The following PTPRG variants were observed in gnomAD, a reference collection of about 807,000 sequenced individuals.
PTPRG encodes the protein protein tyrosine phosphatase receptor type G.
A neutral mutation model predicts 165.3 loss-of-function variants in PTPRG; 102 were observed. That is an observed-to-expected ratio of 0.62 (90% CI 0.53 to 0.73). The LOEUF is 0.73. Among genes scored for constraint, PTPRG ranks in the 30% least tolerant of loss-of-function variants. The probability of loss-of-function intolerance (pLI) is 0.00; values close to 1 mark genes in which losing one functional copy is unlikely to be tolerated. For missense variants in PTPRG, 1,866 were observed against 1,861.4 expected (o/e 1.00, Z -0.05); for synonymous variants, 675 against 669.5 (o/e 1.01, Z -0.13).
chr3:61,835,435 G>T (rs570326241), intron 2 of PTPRG, among the ~76,000 whole-genome samples: 1 of 152,186 alleles, frequency 6.6e-6, no homozygotes, highest in East Asian at 1.9e-4. Flanking sequence ...CTGGATTCAA[G>T]CGATTCTCCT....
chr3:61,989,577 C>G, intron 2 of PTPRG, 48 bp from the exon 3 acceptor site: 1 of 1,566,314 alleles, frequency 6.4e-7, no homozygotes, highest in Admixed American at 1.8e-5. Context: ...TTCATTTCAT[C>G]CCTGACCCTT....
chr3:61,949,376 T>C (rs920706370), intron 2 of PTPRG, among the ~76,000 whole-genome samples: 2 of 152,226 alleles, frequency 1.3e-5, no homozygotes, highest in African/African-American at 4.8e-5. Flanking sequence ...GAGGCTCTGA[T>C]ACAGGCTGTC....
intron 16 of PTPRG, chr3:62,261,073 G>T (rs529863522): frequency 1.3e-5 from 2 of 152,192 alleles, no homozygotes; most frequent in South Asian, 2.1e-4. Context: ...TCCAACTTCA[G>T]TCCATAGCTA....
At chr3:62,012,664 G>C (rs540758995) in intron 4 of PTPRG, among the ~76,000 whole-genome samples, 1 of 152,102 alleles carries the variant, frequency 6.6e-6, no homozygotes, top group African/African-American at 2.4e-5. Context: ...AACCCGTCAC[G>C]TGAGGTCAGG....
At chr3:61,625,933 G>C (rs1025174025) in intron 1 of PTPRG, among the ~76,000 whole-genome samples, 26 of 148,926 alleles carry the variant, frequency 1.7e-4, no homozygotes, top group African/African-American at 6.7e-4. Flanking sequence ...TTCAAGCATT[G>C]AGACCATTAC....
chr3:62,258,198 T>G (rs1022245466), intron 16 of PTPRG, among the ~76,000 whole-genome samples: 3 of 152,116 alleles, frequency 2.0e-5, no homozygotes, highest in African/African-American at 7.2e-5. Flanking sequence ...TATAAAAATC[T>G]TATCCAACAT....
chr3:61,912,587 C>A (rs539724038), intron 2 of PTPRG, among the ~76,000 whole-genome samples: 1 of 152,166 alleles, frequency 6.6e-6, no homozygotes, highest in Non-Finnish European at 1.5e-5. Context: ...GACCGACAGT[C>A]TTTTCTAAAA....
intron 1 of PTPRG, among the ~76,000 whole-genome samples, chr3:61,633,511 G>A (rs1055155116): frequency 1.8e-4 from 27 of 152,154 alleles, no homozygotes; most frequent in Non-Finnish European, 2.9e-4. Context: ...ATAAAAATAC[G>A]ATTGATTTTT....
intron 3 of PTPRG, among the ~76,000 whole-genome samples, chr3:61,991,138 TG>T (rs1462200700): frequency 2.0e-5 from 3 of 152,230 alleles, no homozygotes; most frequent in African/African-American, 7.2e-5. Flanking sequence ...GACCCTCTCC[TG>T]TACCTTGATT....
intron 4 of PTPRG, among the ~76,000 whole-genome samples, chr3:62,068,021 T>G (rs1242634861): frequency 6.6e-6 from 1 of 152,208 alleles, no homozygotes; most frequent in Non-Finnish European, 1.5e-5. Context: ...TGTTGTGTGG[T>G]AGAACAGTTT....
At chr3:61,594,577 C>T (rs534441236) in intron 1 of PTPRG, among the ~76,000 whole-genome samples, 2 of 152,246 alleles carry the variant, frequency 1.3e-5, no homozygotes, top group South Asian at 2.1e-4. Context: ...GTTATTTCTG[C>T]GGAAGCACAC....
rs185135949 is a variant in PTPRG, at chr3:62,203,767, G to A, written c.1972G>A (p.Gly658Arg). 7.0e-5 allele frequency: 113 copies of A among 1,610,858 alleles called. 1 individual carries two copies. The highest frequency in any genetic ancestry group is 2.0e-4 in the East Asian group (9 of 44,806). ...TGCCGTCCCCACAGACCAGACGGGC[G>A]GAAGGAGGGATGCCGGCCCAGGCCT... ...HTAVPTDQTG[G>R]RRDAGPGLDP... is the part of the protein sequence containing the mutation. Residue 658 changes from glycine to arginine, a missense_variant, in exon 12 of 30, where the codon GGA becomes AGA. Around this residue, in one of 3 missense-constraint regions of PTPRG, gnomAD observed 1,452 missense variants for 1,463.0 expected, o/e 0.99. Transcript: ENST00000474889. The surrounding 1 kb of genome is among the most constrained non-coding windows in gnomAD (Gnocchi z 6.4).
At chr3:61,763,078 T>C (rs2033905103) in intron 2 of PTPRG, among the ~76,000 whole-genome samples, 1 of 152,202 alleles carries the variant, frequency 6.6e-6, no homozygotes, top group African/African-American at 2.4e-5. Flanking sequence ...TCATATTTTG[T>C]TGTCCAGACT....
At chr3:62,078,530 T>C (rs928666182) in intron 5 of PTPRG, among the ~76,000 whole-genome samples, 3 of 152,178 alleles carry the variant, frequency 2.0e-5, no homozygotes, top group Admixed American at 6.5e-5. Flanking sequence ...ACTTCGCCGC[T>C]GAAGCATTTT....
chr3:61,813,951 A>G (rs1331762222), intron 2 of PTPRG, among the ~76,000 whole-genome samples: 1 of 146,788 alleles, frequency 6.8e-6, no homozygotes, highest in African/African-American at 2.6e-5. Flanking sequence ...GCTGGAGTGC[A>G]GTGGCGCAAT....
At position 61,883,485 on chromosome 3, in the gene PTPRG, C is replaced by T. The variant is rs1459674186; in HGVS notation, c.191-106140C>T. 2.4e-4 allele frequency among the ~76,000 whole-genome samples: 37 copies of T among 151,958 alleles called. 2 individuals carry two copies. Among genetic ancestry groups the T allele is most frequent in the Admixed American group, 2.4e-3 (37 of 15,254 alleles). ...TTAAAAATACCTGTAAAGTAAGAGT[C>T]CTTATTTAGTAATTCAAAACTCCTC... On this transcript the variant is annotated intron_variant, in intron 2 of 29. Coordinates refer to ENST00000474889, the MANE Select transcript of PTPRG (RefSeq NM_002841.4).
chr3:61,856,646 A>G (rs1331248135), intron 2 of PTPRG, among the ~76,000 whole-genome samples: 3 of 152,202 alleles, frequency 2.0e-5, no homozygotes, highest in Admixed American at 6.5e-5. Context: ...TCCCTCTGCA[A>G]CTAGCTTTTT....
chr3:62,164,106 G>T (rs1052189004), intron 7 of PTPRG, among the ~76,000 whole-genome samples: 7 of 152,160 alleles, frequency 4.6e-5, no homozygotes, highest in Non-Finnish European at 8.8e-5. Context: ...ACATCGGACC[G>T]GTCAAAGACC....
chr3:62,087,031 C>G (rs541980029), intron 5 of PTPRG, among the ~76,000 whole-genome samples: 3 of 152,158 alleles, frequency 2.0e-5, no homozygotes, highest in African/African-American at 7.2e-5. Context: ...ACTTCAAGGA[C>G]GTTACCAAGT....
Sources: gnomAD v4.1 joint callset for allele counts (sites outside exome capture counted in the v4.1 genomes callset) on GRCh38, gnomAD v4.1.1 for gene constraint, gnomAD v4.1.1 regional missense constraint, Gnocchi (gnomAD v3.1) non-coding constraint, MANE v1.5 for transcripts, NCBI Gene and HGNC (gene_info 2026-07-23, HGNC 2026-07-21) for gene names.